KCNIP4: variants seen among roughly 807,000 people sequenced by gnomAD.
The protein encoded by KCNIP4 is Kv channel-interacting protein 4.
KCNIP4 carries 12 observed loss-of-function variants against 34.0 expected under a neutral mutation model. That is an observed-to-expected ratio of 0.35 (90% confidence interval 0.23 to 0.57). The LOEUF is 0.57. Ranked by LOEUF, KCNIP4 falls within the 20% of genes least tolerant of loss-of-function variation. The probability of loss-of-function intolerance (pLI) is 0.83; values close to 1 mark genes in which losing one functional copy is unlikely to be tolerated. For missense variants in KCNIP4, 238 were observed against 311.7 expected (o/e 0.76, Z 1.78); for synonymous variants, 124 against 102.2 (o/e 1.21, Z -1.29).
At chr4:21,648,151 G>A (rs1197443857) in intron 1 of KCNIP4, among the ~76,000 whole-genome samples, 1 of 151,942 alleles carries the variant, frequency 6.6e-6, no homozygotes, top group Admixed American at 6.6e-5. Flanking sequence ...GGGATTACAG[G>A]TGTGAGCCAC....
In KCNIP4 at chr4:20,928,430, A is replaced by G. The variant is rs141397954; in HGVS notation, c.62-45721T>C. Among the ~76,000 whole-genome samples the G allele has an allele frequency of 3.5e-3, 533 of 152,082 alleles. 6 individuals carry two copies. The highest frequency in any genetic ancestry group is 0.012 in the African/African-American group (512 of 41,568). On this transcript the variant is annotated intron_variant, in intron 1 of 8. Transcript: ENST00000382152. ...GTTAAAAAATATTTTGAAACAAATG[A>G]CAACACAACATATCAAAATCTATGG...
chr4:21,276,376 T>G (rs1159463680), intron 1 of KCNIP4, among the ~76,000 whole-genome samples: 1 of 151,438 alleles, frequency 6.6e-6, no homozygotes, highest in African/African-American at 2.4e-5. Context: ...TTTTTTTTTT[T>G]TTTTGGGTAG....
chr4:21,090,907 C>T (rs1746939504), intron 1 of KCNIP4, among the ~76,000 whole-genome samples: 1 of 152,136 alleles, frequency 6.6e-6, no homozygotes, highest in Admixed American at 6.6e-5. Flanking sequence ...AAAAACAGAA[C>T]AATCTTAATA....
intron 1 of KCNIP4, among the ~76,000 whole-genome samples, chr4:21,786,445 C>T (rs757744368): frequency 6.6e-6 from 1 of 152,182 alleles, no homozygotes; most frequent in African/African-American, 2.4e-5. Flanking sequence ...TTATTATTGC[C>T]ATACTGGCAA....
chr4:21,697,202 TA>T, intron 1 of KCNIP4: 3 of 1,192,918 alleles, frequency 2.5e-6, no homozygotes, highest in Non-Finnish European at 3.2e-6. Context: ...TTTAGAAACA[TA>T]AATCTCAGCA....
At chr4:20,806,342 G>T in intron 3 of KCNIP4, among the ~76,000 whole-genome samples, 1 of 151,650 alleles carries the variant, frequency 6.6e-6, no homozygotes, top group Non-Finnish European at 1.5e-5. Context: ...TCTCTTGTGT[G>T]CTTTTTTATT....
chr4:21,277,499 G>T (rs73249537), intron 1 of KCNIP4, among the ~76,000 whole-genome samples: 9 of 152,038 alleles, frequency 5.9e-5, no homozygotes, highest in Admixed American at 3.3e-4. Context: ...TAATAAAAGA[G>T]GAAAACACAG....
At chr4:21,698,718 CAT>C (rs1712592563) in intron 1 of KCNIP4, among the ~76,000 whole-genome samples, 1 of 152,180 alleles carries the variant, frequency 6.6e-6, no homozygotes, top group East Asian at 1.9e-4. Context: ...CAGATGGGGC[CAT>C]ATTTTAAATA....
chr4:21,128,953 T>C (rs1049550269), intron 1 of KCNIP4, among the ~76,000 whole-genome samples: 1 of 152,232 alleles, frequency 6.6e-6, no homozygotes, highest in Non-Finnish European at 1.5e-5. Flanking sequence ...AATCACTTTA[T>C]AGGCTTGACG....
chr4:21,077,342 G>A (rs986520128), intron 1 of KCNIP4, among the ~76,000 whole-genome samples: 3 of 152,050 alleles, frequency 2.0e-5, no homozygotes, highest in Admixed American at 6.6e-5. Flanking sequence ...AATATTTGAA[G>A]AAGTTACTAC....
intron 1 of KCNIP4, among the ~76,000 whole-genome samples, chr4:21,902,224 G>T (rs534559017): frequency 5.3e-5 from 8 of 151,922 alleles, no homozygotes; most frequent in Non-Finnish European, 1.2e-4. Flanking sequence ...CATGAATACA[G>T]GGCATTTCCT....
At chr4:21,246,846 A>G (rs987867608) in intron 1 of KCNIP4, among the ~76,000 whole-genome samples, 1 of 152,204 alleles carries the variant, frequency 6.6e-6, no homozygotes, top group Admixed American at 6.5e-5. Flanking sequence ...ACAAGCACTA[A>G]TAGTTAAAAT....
intron 1 of KCNIP4, among the ~76,000 whole-genome samples, chr4:21,554,814 A>G (rs911722787): frequency 5.3e-5 from 8 of 152,102 alleles, no homozygotes; most frequent in African/African-American, 1.7e-4. Context: ...CTGACTGTAC[A>G]GTTCTTTATG....
At chr4:21,129,659 C>T (rs1341187819) in intron 1 of KCNIP4, among the ~76,000 whole-genome samples, 1 of 152,146 alleles carries the variant, frequency 6.6e-6, no homozygotes, top group Non-Finnish European at 1.5e-5. Flanking sequence ...GATGAACTGG[C>T]TGCTGTTGAC....
At chr4:21,256,907 A>AACCAAAGCAAAATT (rs1560222275) in intron 1 of KCNIP4, among the ~76,000 whole-genome samples, 5 of 152,138 alleles carry the variant, frequency 3.3e-5, no homozygotes, top group Non-Finnish European at 7.4e-5. Flanking sequence ...TGGTTGCTGA[A>AACCAAAGCAAAATT]TGTGCTTTCT....
intron 1 of KCNIP4, among the ~76,000 whole-genome samples, chr4:21,091,456 A>G (rs192677948): frequency 6.6e-6 from 1 of 152,230 alleles, no homozygotes; most frequent in Non-Finnish European, 1.5e-5. Flanking sequence ...TAACGAATGA[A>G]AAGACTAGGG....
chr4:21,093,548 G>A (rs1458993234), intron 1 of KCNIP4, among the ~76,000 whole-genome samples: 4 of 132,158 alleles, frequency 3.0e-5, no homozygotes, highest in South Asian at 4.4e-4. Flanking sequence ...CCCAGGGAAA[G>A]AAATATGGAA....
At chr4:20,745,357 G>A (rs942699040) in intron 5 of KCNIP4, among the ~76,000 whole-genome samples, 44 of 152,124 alleles carry the variant, frequency 2.9e-4, no homozygotes, top group African/African-American at 1.0e-3. Context: ...TGGTCTTAGA[G>A]CACCTCTCTC....
At chr4:21,577,639 A>G (rs1740845328) in intron 1 of KCNIP4, among the ~76,000 whole-genome samples, 1 of 135,302 alleles carries the variant, frequency 7.4e-6, no homozygotes, top group Non-Finnish European at 1.8e-5. Flanking sequence ...CTTAAAAACA[A>G]ACAAACAAAC....
Sources: gnomAD v4.1 joint callset for allele counts (sites outside exome capture counted in the v4.1 genomes callset) on GRCh38, gnomAD v4.1.1 for gene constraint, MANE v1.5 for transcripts, NCBI Gene and HGNC (gene_info 2026-07-23, HGNC 2026-07-21) for gene names.